The following YAF2 variants were observed in gnomAD, a reference collection of about 807,000 sequenced individuals.
YAF2 encodes the protein YY1 associated factor 2.
Under a neutral mutation model 20.1 loss-of-function variants are expected in YAF2, and 7 were observed. That is an observed-to-expected ratio of 0.35 (90% confidence interval 0.20 to 0.65). The LOEUF (loss-of-function observed/expected upper bound fraction) is 0.65, where lower values mean the gene tolerates loss of function less well. YAF2 is among the 30% of genes least tolerant of loss of function. YAF2 has a pLI of 0.69. For missense variants in YAF2, 151 were observed against 219.2 expected (o/e 0.69, Z 1.96); for synonymous variants, 74 against 76.0 (o/e 0.97, Z 0.14).
chr12:42,164,144 A>G (rs1254639639), intron 2 of YAF2, among the ~76,000 whole-genome samples: 1 of 152,224 alleles, frequency 6.6e-6, no homozygotes, highest in East Asian at 1.9e-4. Context: ...CCACTGGCCA[A>G]CTACAGTCCA....
At chr12:42,217,641 CTT>C (rs934877622) in intron 2 of YAF2, among the ~76,000 whole-genome samples, 2 of 151,968 alleles carry the variant, frequency 1.3e-5, no homozygotes, top group African/African-American at 2.4e-5. Context: ...CATTTTATCA[CTT>C]ATATTTAATT....
Position 42,160,775 on chromosome 12 carries a change from A to T in YAF2, c.357T>A (p.Thr119=). 1.9e-6 allele frequency: 3 copies of T among 1,613,846 alleles called. No individual in the cohort carries two copies. Among genetic ancestry groups the T allele is most frequent in the Non-Finnish European group, 2.5e-6 (3 of 1,179,890 alleles). Residue 119 remains threonine, a synonymous_variant, in exon 4 of 4, where the codon ACT becomes ACA. Coordinates refer to ENST00000534854, the MANE Select transcript of YAF2 (RefSeq NM_005748.6). The part of the protein sequence containing the change: ...DRSSAQHLEV[T]VGDLTVIITD... ...TAATAATGACTGTCAGATCTCCAACAGTAACTTCCAAATGCTGAGCACTAC... is the reference window on the plus strand; with the variant it reads ...TAATAATGACTGTCAGATCTCCAACTGTAACTTCCAAATGCTGAGCACTAC...
intron 2 of YAF2, among the ~76,000 whole-genome samples, chr12:42,201,721 G>A (rs921311213): frequency 6.6e-6 from 1 of 152,072 alleles, no homozygotes; most frequent in Admixed American, 6.6e-5. Context: ...ACAAGCATGT[G>A]CCACCACGCC....
chr12:42,201,795 C>T (rs1592236007), intron 2 of YAF2, among the ~76,000 whole-genome samples: 1 of 152,166 alleles, frequency 6.6e-6, no homozygotes, highest in East Asian at 1.9e-4. Flanking sequence ...TGGTCTTGCA[C>T]TCCTGACCTC....
chr12:42,212,499 A>G (rs988534126), intron 2 of YAF2: 2 of 441,484 alleles, frequency 4.5e-6, no homozygotes, highest in East Asian at 1.4e-4. Flanking sequence ...GGAAACAAAG[A>G]AAGTGTATAG....
intron 2 of YAF2, among the ~76,000 whole-genome samples, chr12:42,211,290 G>A (rs1021182868): frequency 6.6e-6 from 1 of 151,904 alleles, no homozygotes; most frequent in Non-Finnish European, 1.5e-5. Flanking sequence ...AGATGGACAT[G>A]GTGGTGCATG....
rs931977045 is a variant in YAF2 at position 42,159,167 on chromosome 12, C to A, written c.*1422G>T. Reference sequence around the variant, plus strand: ...TGTAATTAAACAGAAAATTACATTACCACATGAAACCACCAAATATCACAA... The same window carrying A: ...TGTAATTAAACAGAAAATTACATTAACACATGAAACCACCAAATATCACAA... On this transcript the variant is annotated 3_prime_UTR_variant, in exon 4 of 4. Transcript: ENST00000534854. The A allele has an allele frequency of 6.6e-6, 1 of 152,134 alleles. No homozygotes were observed. Among genetic ancestry groups the A allele is most frequent in the African/African-American group, 2.4e-5 (1 of 41,444 alleles). The allele number at this position is 152,134 out of a possible 1,614,324, so 9.4% of individuals were successfully genotyped here.
intron 3 of YAF2, 31 bp from the exon 4 acceptor site, chr12:42,160,857 G>T: frequency 6.5e-7 from 1 of 1,550,094 alleles, no homozygotes; most frequent in Non-Finnish European, 8.7e-7. Context: ...TTTTAAACTA[G>T]CTTTTCCCTC....
chr12:42,213,880 C>T (rs569099805), intron 2 of YAF2, among the ~76,000 whole-genome samples: 163 of 152,284 alleles, frequency 1.1e-3, no homozygotes, highest in Non-Finnish European at 1.7e-3. Flanking sequence ...AGGGGTACTA[C>T]ACAGACCTCC....
intron 2 of YAF2, among the ~76,000 whole-genome samples, chr12:42,221,473 A>AG (rs35050500): frequency 0.65 from 99,030 of 151,934 alleles, 32,665 homozygotes; most frequent in African/African-American, 0.74. Context: ...TGGGAGGTTG[A>AG]GCTTGAGCCC....
rs916575715 is a variant in YAF2 at position 42,165,693 on chromosome 12, G to A, written c.153-3928C>T. On this transcript the variant is annotated intron_variant, in intron 2 of 3. Transcript: ENST00000534854. ...TCACTGTGTTAGCTAGGATGGTCTC[G>A]ATCTCCTGACCTCATGATCTGCCCG... Among the ~76,000 whole-genome samples, 6 of 148,960 alleles carry A rather than the reference G, an allele frequency of 4.0e-5. No individual in the cohort carries two copies. In the South Asian group the frequency reaches 6.3e-4, roughly 16 times the overall value.
intron 2 of YAF2, among the ~76,000 whole-genome samples, chr12:42,172,642 T>C (rs1221337674): frequency 6.6e-6 from 1 of 152,148 alleles, no homozygotes; most frequent in Non-Finnish European, 1.5e-5. Flanking sequence ...ATCAAGTACA[T>C]ACCCAAGAGA....
chr12:42,222,362 T>C (rs1486321676), intron 2 of YAF2, among the ~76,000 whole-genome samples: 2 of 152,234 alleles, frequency 1.3e-5, no homozygotes, highest in African/African-American at 4.8e-5. Flanking sequence ...TTCATTCAAC[T>C]AGGATGGTTT....
Position 42,232,412 on chromosome 12 carries a change from C to T in YAF2, c.152+5187G>A, listed in dbSNP as rs79029651. ...GTCCCTCAGACTACACTTTGAAAAC[C>T]ACTCTGATATCCAGACTACACAAAC... On this transcript the variant is annotated intron_variant, in intron 2 of 3. Coordinates refer to ENST00000534854, the MANE Select transcript of YAF2 (RefSeq NM_005748.6). 2.3e-3 allele frequency: 2,253 copies of T among 985,214 alleles called. 40 individuals are homozygous for T. In the African/African-American group the frequency reaches 0.037, roughly 16 times the overall value. The allele number at this position is 985,214 out of a possible 1,614,324, so 61.0% of individuals were successfully genotyped here. A position where few individuals can be genotyped will look rare whatever the true frequency, so the allele number is the denominator to read the frequency against.
intron 2 of YAF2, among the ~76,000 whole-genome samples, chr12:42,204,190 T>C (rs2066976885): frequency 6.6e-6 from 1 of 152,218 alleles, no homozygotes; most frequent in Non-Finnish European, 1.5e-5. Context: ...TGTGAACCTT[T>C]GTACACTGCT....
At chr12:42,190,899 CTT>C (rs2066595704) in intron 2 of YAF2, among the ~76,000 whole-genome samples, 1 of 151,532 alleles carries the variant, frequency 6.6e-6, no homozygotes, top group African/African-American at 2.4e-5. Context: ...AATATTTCTA[CTT>C]TTTAGTTTTT....
chr12:42,202,028 A>T (rs2066912318), intron 2 of YAF2, among the ~76,000 whole-genome samples: 1 of 152,148 alleles, frequency 6.6e-6, no homozygotes, highest in Non-Finnish European at 1.5e-5. Context: ...TCCTCTTTTT[A>T]AAAAAGTTTT....
intron 2 of YAF2, chr12:42,205,805 A>T (rs2067024968): frequency 3.4e-6 from 1 of 293,326 alleles, no homozygotes; most frequent in African/African-American, 2.2e-5. Context: ...TTTCAATCTA[A>T]TACATTCATT....
intron 2 of YAF2, among the ~76,000 whole-genome samples, chr12:42,207,215 C>T (rs1247384365): frequency 6.6e-6 from 1 of 152,214 alleles, no homozygotes; most frequent in Non-Finnish European, 1.5e-5. Flanking sequence ...AGTCATCTGA[C>T]TAAATGCTCT....
Sources: gnomAD v4.1 joint callset for allele counts (sites outside exome capture counted in the v4.1 genomes callset) on GRCh38, gnomAD v4.1.1 for gene constraint, MANE v1.5 for transcripts, NCBI Gene and HGNC (gene_info 2026-07-23, HGNC 2026-07-21) for gene names.